The following FAM184B variants were observed in gnomAD, a reference collection of about 807,000 sequenced individuals.
FAM184B encodes protein FAM184B.
In FAM184B, 111 loss-of-function variants were observed where a neutral mutation model predicts 135.9. That is an observed-to-expected ratio of 0.82 (90% confidence interval 0.70 to 0.96). The LOEUF is 0.96. Ranked by LOEUF, FAM184B falls within the 40% of genes least tolerant of loss-of-function variation. FAM184B has a pLI of 0.00. For synonymous variants in FAM184B, 552 were observed against 524.8 expected (o/e 1.05, Z -0.71); for missense variants, 1,375 against 1,323.9 (o/e 1.04, Z -0.60).
At chr4:17,632,678 A>G in intron 17 of FAM184B, 53 bp from the exon 18 acceptor site, 3 of 1,176,350 alleles carry the variant, frequency 2.6e-6, no homozygotes, top group Non-Finnish European at 3.7e-6. Flanking sequence ...TGCAAGAAGC[A>G]GCTTAATACC....
intron 7 of FAM184B, among the ~76,000 whole-genome samples, chr4:17,682,966 G>A (rs1293235661): frequency 6.6e-6 from 1 of 152,134 alleles, no homozygotes; most frequent in African/African-American, 2.4e-5. Context: ...ATTGCCACCA[G>A]CAGATCTGCC....
intron 1 of FAM184B, among the ~76,000 whole-genome samples, chr4:17,729,563 G>T (rs907278898): frequency 6.6e-6 from 1 of 152,204 alleles, no homozygotes; most frequent in Non-Finnish European, 1.5e-5. Context: ...CTAGAGGAAC[G>T]ATCAGGCAGC....
At chr4:17,777,830 A>G (rs1290194398) in intron 1 of FAM184B, among the ~76,000 whole-genome samples, 1 of 152,188 alleles carries the variant, frequency 6.6e-6, no homozygotes, top group Non-Finnish European at 1.5e-5. Flanking sequence ...AAGAAAGCAT[A>G]TGCACCCCTG....
chr4:17,660,565 A>G lies in FAM184B; in HGVS notation c.1695-478T>C, dbSNP rs533663013. On this transcript the variant is annotated intron_variant, in intron 8 of 17. Coordinates refer to ENST00000265018, the MANE Select transcript of FAM184B (RefSeq NM_015688.2). Reference sequence around the variant, plus strand: ...GTCACACATTTTACTGGTGTCCCCAAGTACAAATAGGGGGATTATAAATAG... The same window carrying G: ...GTCACACATTTTACTGGTGTCCCCAGGTACAAATAGGGGGATTATAAATAG... Among the ~76,000 whole-genome samples the G allele has an allele frequency of 2.6e-3, 392 of 152,246 alleles. 3 individuals carry two copies. Among genetic ancestry groups the G allele is most frequent in the Non-Finnish European group, 3.9e-3 (266 of 68,024 alleles).
Position 17,781,049 on chromosome 4 carries a change from A to T in FAM184B, c.141+110T>A. On this transcript the variant is annotated intron_variant, in intron 1 of 17. Coordinates refer to ENST00000265018, the MANE Select transcript of FAM184B (RefSeq NM_015688.2). This position sits in a 1 kb window ranked among gnomAD's most constrained non-coding sequence, Gnocchi z 6.5. ...TCCCTTCCCGGTTGGCCTCCGAGAC[A>T]AAGTTTCTGTCTGGATTTGGCCCGG... 7.3e-7 allele frequency: 1 copy of T among 1,360,996 alleles called. No homozygotes were observed. 84.3% of individuals were successfully genotyped at this position (1,360,996 alleles called of 1,614,324 possible).
intron 5 of FAM184B, among the ~76,000 whole-genome samples, chr4:17,700,430 A>G (rs76894811): frequency 1.3e-5 from 2 of 152,236 alleles, no homozygotes; most frequent in Non-Finnish European, 2.9e-5. Flanking sequence ...ATAAGAGTCA[A>G]TTCATCAAGA....
intron 11 of FAM184B, among the ~76,000 whole-genome samples, chr4:17,649,173 T>C (rs1431573744): frequency 2.0e-5 from 3 of 152,164 alleles, no homozygotes; most frequent in African/African-American, 7.2e-5. Context: ...AGAGTGAAAA[T>C]GGATGAGGTG....
chr4:17,751,867 A>ACACACACACAC (rs1491120270), intron 1 of FAM184B, among the ~76,000 whole-genome samples: 6 of 149,366 alleles, frequency 4.0e-5, no homozygotes, highest in Non-Finnish European at 8.9e-5. Context: ...ACACACACAC[A>ACACACACACAC]AAAGAACCAG....
intron 5 of FAM184B, among the ~76,000 whole-genome samples, chr4:17,702,947 C>G (rs955985258): frequency 1.2e-4 from 18 of 152,168 alleles, no homozygotes; most frequent in African/African-American, 4.3e-4. Context: ...ATACAGCTGC[C>G]TACCCAGTGT....
chr4:17,781,309 G>T lies in FAM184B; in HGVS notation c.-10C>A. On this transcript the variant is annotated 5_prime_UTR_variant, in exon 1 of 18. Transcript: ENST00000265018. This position sits in a 1 kb window ranked among gnomAD's most constrained non-coding sequence, Gnocchi z 6.5. The stretch of plus-strand genomic sequence containing the variant: ...TGAGAGCAGAAGCCATCGCTAAAAC[G>T]CGCCCAGCACTCAGACTCTCTCGTT... 6.6e-7 allele frequency: 1 copy of T among 1,526,358 alleles called. No individual in the cohort carries two copies. Among genetic ancestry groups the T allele is most frequent in the Non-Finnish European group, 8.8e-7 (1 of 1,130,686 alleles). The allele number at this position is 1,526,358 out of a possible 1,614,324, so 94.6% of individuals were successfully genotyped here.
At chr4:17,703,356 G>A (rs1327234390) in intron 5 of FAM184B, among the ~76,000 whole-genome samples, 1 of 151,864 alleles carries the variant, frequency 6.6e-6, no homozygotes. Context: ...AAATTAGCCA[G>A]GCATGGTAGC....
At chr4:17,638,932 G>A (rs2108928684) in intron 14 of FAM184B, among the ~76,000 whole-genome samples, 1 of 152,264 alleles carries the variant, frequency 6.6e-6, no homozygotes, top group Middle Eastern at 3.4e-3. Flanking sequence ...TGCCTCCTGG[G>A]CTCAAGTGAT....
In FAM184B at chr4:17,694,251, C is replaced by T. The variant is rs1253085139; in HGVS notation, c.1378-839G>A. Among the ~76,000 whole-genome samples the T allele has an allele frequency of 4.6e-5, 7 of 150,690 alleles. No homozygotes were observed. The South Asian group carries it at 6.3e-4, about 14-fold the overall frequency. On this transcript the variant is annotated intron_variant, in intron 5 of 17. Transcript: ENST00000265018. The stretch of plus-strand genomic sequence containing the variant: ...ATAATTCTCATAGAGGGGCCAGGCG[C>T]GGTGGCTGACGCCTGTAATCCCAGC...
intron 1 of FAM184B, among the ~76,000 whole-genome samples, chr4:17,728,494 C>A (rs1487466990): frequency 6.6e-6 from 1 of 152,134 alleles, no homozygotes; most frequent in Non-Finnish European, 1.5e-5. Flanking sequence ...GTATGAACAG[C>A]ACACAAGAAC....
At chr4:17,719,672 C>CA (rs1717474164) in intron 1 of FAM184B, among the ~76,000 whole-genome samples, 1 of 152,116 alleles carries the variant, frequency 6.6e-6, no homozygotes, top group African/African-American at 2.4e-5. Context: ...TTATCATGAA[C>CA]AAAAATCTTT....
At chr4:17,774,481 C>T (rs1266204479) in intron 1 of FAM184B, among the ~76,000 whole-genome samples, 1 of 152,174 alleles carries the variant, frequency 6.6e-6, no homozygotes, top group Non-Finnish European at 1.5e-5. Context: ...GCTGGGGAAA[C>T]CTGCCTGATG....
intron 7 of FAM184B, among the ~76,000 whole-genome samples, chr4:17,680,503 T>A (rs1716413231): frequency 6.6e-6 from 1 of 152,288 alleles, no homozygotes; most frequent in African/African-American, 2.4e-5. Context: ...AAAAACATTG[T>A]CCATGTCTCT....
chr4:17,655,316 C>T (rs1160693883), intron 10 of FAM184B, among the ~76,000 whole-genome samples: 3 of 152,202 alleles, frequency 2.0e-5, no homozygotes, highest in African/African-American at 7.2e-5. Flanking sequence ...GAGCCAAACT[C>T]TCTCACTCTG....
rs759333347 is a variant in FAM184B, at chr4:17,705,745, A to T, written c.1170+7T>A. 11 of 1,551,648 alleles carry T rather than the reference A, an allele frequency of 7.1e-6. No individual in the cohort carries two copies. In the South Asian group the frequency reaches 1.3e-4, roughly 18 times the overall value. On this transcript the variant is annotated splice_region_variant and intron_variant, in intron 4 of 17. Transcript: ENST00000265018. The stretch of plus-strand genomic sequence containing the variant: ...TTCTCCATCCCCAGGGCTGGGTCAG[A>T]CACTACCTGCATATCTGTGCCTCCT...
Sources: gnomAD v4.1 joint callset for allele counts (sites outside exome capture counted in the v4.1 genomes callset) on GRCh38, gnomAD v4.1.1 for gene constraint, Gnocchi (gnomAD v3.1) non-coding constraint, MANE v1.5 for transcripts, NCBI Gene and HGNC (gene_info 2026-07-23, HGNC 2026-07-21) for gene names.